Variants in NCAM2 observed in about 807,000 individuals in gnomAD.
NCAM2 encodes the protein neural cell adhesion molecule 2.
NCAM2 carries 30 observed loss-of-function variants against 98.1 expected under a neutral mutation model. The ratio of observed to expected loss-of-function variants is 0.31; its 90% CI spans 0.23 to 0.41. The LOEUF (loss-of-function observed/expected upper bound fraction) is 0.41, where lower values mean the gene tolerates loss of function less well. Ranked by LOEUF, NCAM2 falls within the 10% of genes least tolerant of loss-of-function variation. NCAM2 has a pLI of 1.00. For synonymous variants in NCAM2, 368 were observed against 342.4 expected, an observed-to-expected ratio of 1.07 and a Z score of -0.83; for missense variants, 867 against 1,005.8, an observed-to-expected ratio of 0.86 and a Z score of 1.87.
chr21:21,028,853 G>A (rs750791755), intron 1 of NCAM2, among the ~76,000 whole-genome samples: 1 of 152,076 alleles, frequency 6.6e-6, no homozygotes, highest in African/African-American at 2.4e-5. Context: ...AGTGTATTTG[G>A]GGTGTGTGTT....
intron 1 of NCAM2, among the ~76,000 whole-genome samples, chr21:21,046,021 C>G (rs997012657): frequency 2.8e-4 from 42 of 152,178 alleles, no homozygotes; most frequent in Admixed American, 2.5e-3. Context: ...CTTATCTCCT[C>G]TGTGGCTCAG....
chr21:21,419,281 G>C (rs1334568089), intron 11 of NCAM2, among the ~76,000 whole-genome samples: 1 of 140,660 alleles, frequency 7.1e-6, no homozygotes, highest in Non-Finnish European at 1.5e-5. Context: ...TTAAAAGTGA[G>C]ATATTTGTGA....
At chr21:21,224,231 A>G (rs1463312274) in intron 1 of NCAM2, among the ~76,000 whole-genome samples, 1 of 152,190 alleles carries the variant, frequency 6.6e-6, no homozygotes, top group African/African-American at 2.4e-5. Flanking sequence ...TGTGAATAAG[A>G]AAGAAATTTC....
intron 1 of NCAM2, among the ~76,000 whole-genome samples, chr21:21,081,318 A>G (rs993495605): frequency 3.9e-5 from 6 of 152,122 alleles, no homozygotes; most frequent in East Asian, 1.9e-4. Context: ...GGTGTTTTCT[A>G]TCTATTGGGA....
chr21:21,262,413 G>A (rs1467153645), intron 1 of NCAM2, among the ~76,000 whole-genome samples: 1 of 151,944 alleles, frequency 6.6e-6, no homozygotes, highest in Non-Finnish European at 1.5e-5. Context: ...ACACCAAAGA[G>A]AAAACTACAG....
At chr21:21,358,985 C>G (rs1171543824) in intron 8 of NCAM2, among the ~76,000 whole-genome samples, 1 of 151,922 alleles carries the variant, frequency 6.6e-6, no homozygotes, top group Non-Finnish European at 1.5e-5. Flanking sequence ...GTAAGGAAAG[C>G]CAAGGTTATT....
intron 1 of NCAM2, among the ~76,000 whole-genome samples, chr21:21,094,987 A>G (rs953527922): frequency 1.3e-5 from 2 of 151,758 alleles, no homozygotes; most frequent in African/African-American, 4.8e-5. Context: ...GGAGTTAATT[A>G]GTTAGCTTTC....
intron 1 of NCAM2, among the ~76,000 whole-genome samples, chr21:21,231,210 G>T (rs1281149583): frequency 6.6e-6 from 1 of 151,170 alleles, no homozygotes; most frequent in Non-Finnish European, 1.5e-5. Context: ...GTAGATGAGG[G>T]AGCAGTAAAT....
intron 1 of NCAM2, among the ~76,000 whole-genome samples, chr21:21,193,703 C>T (rs955825277): frequency 3.3e-5 from 5 of 151,888 alleles, no homozygotes; most frequent in Admixed American, 6.6e-5. Context: ...ACCATGTTGG[C>T]CAGGATGGTC....
rs899679107 is a variant in NCAM2 at position 21,539,456 on chromosome 21, A to C, written c.*1499A>C. 6.6e-6 allele frequency: 1 copy of C among 152,168 alleles called. No homozygotes were observed. The highest frequency in any genetic ancestry group is 1.5e-5 in the Non-Finnish European group (1 of 68,024). The allele number at this position is 152,168 out of a possible 1,614,324, so 9.4% of individuals were successfully genotyped here. On this transcript the variant is annotated 3_prime_UTR_variant, in exon 18 of 18. Transcript: ENST00000400546. ...AATATTGGAGCAATTTTAACATTGC[A>C]GAAACCTGCTCTGGGTGTGTCTCTC...
chr21:21,070,928 G>C (rs1205142944), intron 1 of NCAM2, among the ~76,000 whole-genome samples: 1 of 152,130 alleles, frequency 6.6e-6, no homozygotes, highest in African/African-American at 2.4e-5. Context: ...AATGCCTCTA[G>C]GGAGCTTGTA....
At chr21:21,079,438 A>G (rs960428649) in intron 1 of NCAM2, among the ~76,000 whole-genome samples, 2 of 152,224 alleles carry the variant, frequency 1.3e-5, no homozygotes, top group African/African-American at 4.8e-5. Flanking sequence ...TAGGGGGAAA[A>G]TAAGACTTCA....
At chr21:21,411,471 A>C (rs1163745901) in intron 10 of NCAM2, among the ~76,000 whole-genome samples, 2 of 151,792 alleles carry the variant, frequency 1.3e-5, no homozygotes, top group African/African-American at 4.8e-5. Flanking sequence ...ATTTTGTATA[A>C]TTATTTTTAT....
At chr21:21,159,821 G>T (rs2067727481) in intron 1 of NCAM2, among the ~76,000 whole-genome samples, 1 of 151,938 alleles carries the variant, frequency 6.6e-6, no homozygotes, top group African/African-American at 2.4e-5. Flanking sequence ...GTGTATGTGT[G>T]TGGTATTGTT....
At chr21:21,452,092 A>T (rs181557176) in intron 12 of NCAM2, among the ~76,000 whole-genome samples, 2 of 150,722 alleles carry the variant, frequency 1.3e-5, no homozygotes, top group Non-Finnish European at 2.9e-5. Flanking sequence ...GATATAGTTT[A>T]TTAGTGACTT....
chr21:21,299,710 A>C (rs12106424), intron 5 of NCAM2, among the ~76,000 whole-genome samples: 2,618 of 151,814 alleles, frequency 0.017, 77 homozygotes, highest in African/African-American at 0.06. Context: ...CCTTATTGCA[A>C]GATTTCTTCC....
intron 6 of NCAM2, among the ~76,000 whole-genome samples, chr21:21,325,113 A>T (rs2074479913): frequency 6.6e-6 from 1 of 151,996 alleles, no homozygotes; most frequent in Non-Finnish European, 1.5e-5. Context: ...ATTCTTTTAG[A>T]TTGTGTCTCA....
At chr21:21,043,850 CA>C (rs72473034) in intron 1 of NCAM2, among the ~76,000 whole-genome samples, 129 of 119,950 alleles carry the variant, frequency 1.1e-3, no homozygotes, top group African/African-American at 3.2e-3. Context: ...GAGACTCCGT[CA>C]AAAAAAAAAA....
chr21:21,259,556 C>G (rs1568846118), intron 1 of NCAM2, among the ~76,000 whole-genome samples: 1 of 152,220 alleles, frequency 6.6e-6, no homozygotes, highest in East Asian at 1.9e-4. Flanking sequence ...AGAGGATGAG[C>G]TGGTTCCTAC....
Sources: gnomAD v4.1 joint callset for allele counts (sites outside exome capture counted in the v4.1 genomes callset) on GRCh38, gnomAD v4.1.1 for gene constraint, MANE v1.5 for transcripts, NCBI Gene and HGNC (gene_info 2026-07-23, HGNC 2026-07-21) for gene names.